Variants in WWOX observed in about 807,000 individuals in gnomAD.
WWOX encodes WW domain containing oxidoreductase.
WWOX carries 69 observed loss-of-function variants against 46.2 expected under a neutral mutation model. That is an observed-to-expected ratio of 1.49 (90% CI 1.23 to 1.82). The LOEUF (loss-of-function observed/expected upper bound fraction) is 1.82. Among genes scored for constraint, WWOX ranks in the 40% most tolerant of loss-of-function variants. WWOX has a pLI of 0.00. For missense variants in WWOX, 919 were observed against 542.6 expected (o/e 1.69, Z -6.89); for synonymous variants, 359 against 202.6 (o/e 1.77, Z -6.56).
intron 8 of WWOX, among the ~76,000 whole-genome samples, chr16:78,797,941 T>G (rs1272392596): frequency 3.3e-5 from 5 of 152,212 alleles, no homozygotes; most frequent in Non-Finnish European, 1.5e-5. Context: ...TGAGTCATGG[T>G]CACACCACTG....
At chr16:78,146,406 G>T (rs1357640695) in intron 4 of WWOX, among the ~76,000 whole-genome samples, 1 of 152,186 alleles carries the variant, frequency 6.6e-6, no homozygotes, top group Non-Finnish European at 1.5e-5. Context: ...CCCAGAAGCA[G>T]CAGCGGGGTG....
intron 8 of WWOX, among the ~76,000 whole-genome samples, chr16:79,052,345 C>G (rs9806790): frequency 0.45 from 67,730 of 152,042 alleles, 16,053 homozygotes; most frequent in Non-Finnish European, 0.52. Context: ...CAATTTCATC[C>G]ATGTCCCTAC....
intron 6 of WWOX, among the ~76,000 whole-genome samples, chr16:78,424,499 A>T (rs1177902921): frequency 6.6e-6 from 1 of 152,196 alleles, no homozygotes; most frequent in Non-Finnish European, 1.5e-5. Flanking sequence ...TTACAGACAA[A>T]GTGAGACTTG....
intron 8 of WWOX, among the ~76,000 whole-genome samples, chr16:79,155,357 A>C (rs1170498215): frequency 6.6e-6 from 1 of 152,196 alleles, no homozygotes; most frequent in Non-Finnish European, 1.5e-5. Context: ...GCCTGGCGAC[A>C]GAGGGAGACT....
intron 8 of WWOX, among the ~76,000 whole-genome samples, chr16:78,508,752 C>T (rs951746763): frequency 5.3e-5 from 8 of 152,186 alleles, no homozygotes; most frequent in African/African-American, 1.9e-4. Context: ...ATCTGCAGAT[C>T]TGAGCACTAT....
intron 4 of WWOX, among the ~76,000 whole-genome samples, chr16:78,131,085 C>T (rs984844576): frequency 2.0e-5 from 3 of 152,132 alleles, no homozygotes; most frequent in Non-Finnish European, 4.4e-5. Context: ...AGAAGTGGTA[C>T]AGTAAAAATA....
At chr16:78,871,733 G>C (rs1022519930) in intron 8 of WWOX, among the ~76,000 whole-genome samples, 1 of 152,154 alleles carries the variant, frequency 6.6e-6, no homozygotes, top group South Asian at 2.1e-4. Flanking sequence ...CCAAGCAGCT[G>C]GGACTACAGG....
At chr16:78,453,402 G>A (rs573263401) in intron 8 of WWOX, among the ~76,000 whole-genome samples, 10 of 150,482 alleles carry the variant, frequency 6.6e-5, no homozygotes, top group South Asian at 2.1e-4. Context: ...CAGCCTGGGC[G>A]CATGAGCGAG....
intron 8 of WWOX, among the ~76,000 whole-genome samples, chr16:78,987,828 T>C (rs2046810797): frequency 6.6e-6 from 1 of 152,174 alleles, no homozygotes; most frequent in Non-Finnish European, 1.5e-5. Context: ...CAGCAGGACT[T>C]TCCCACCTTG....
At chr16:78,424,097 C>G (rs987593051) in intron 6 of WWOX, among the ~76,000 whole-genome samples, 4 of 122,980 alleles carry the variant, frequency 3.3e-5, no homozygotes, top group Admixed American at 7.7e-5. Flanking sequence ...TTTTTCTTTT[C>G]TTTTCTTTTC....
At chr16:78,494,280 C>G (rs764455092) in intron 8 of WWOX, among the ~76,000 whole-genome samples, 8 of 152,132 alleles carry the variant, frequency 5.3e-5, no homozygotes, top group Non-Finnish European at 1.2e-4. Flanking sequence ...AGATTAGCCC[C>G]CTATGCAGCA....
chr16:78,339,662 T>G (rs2080969789), intron 5 of WWOX, among the ~76,000 whole-genome samples: 1 of 119,816 alleles, frequency 8.3e-6, no homozygotes, highest in African/African-American at 2.8e-5. Context: ...TCAAAATGTT[T>G]CTGTTCCATC....
chr16:78,843,646 C>A (rs1179739160), intron 8 of WWOX, among the ~76,000 whole-genome samples: 1 of 132,694 alleles, frequency 7.5e-6, no homozygotes, highest in African/African-American at 2.5e-5. Flanking sequence ...AAATCACACT[C>A]ATCGAGGAGC....
intron 8 of WWOX, among the ~76,000 whole-genome samples, chr16:79,089,885 G>C (rs993586167): frequency 6.6e-6 from 1 of 151,654 alleles, no homozygotes; most frequent in Non-Finnish European, 1.5e-5. Context: ...CGGTTCAAGG[G>C]GGGCTTGGGT....
chr16:78,963,155 G>C (rs536725953), intron 8 of WWOX, among the ~76,000 whole-genome samples: 2 of 152,184 alleles, frequency 1.3e-5, no homozygotes, highest in South Asian at 2.1e-4. Context: ...CTATCCATCA[G>C]TCTATCTTGA....
chr16:79,111,448 T>C (rs577955203), intron 8 of WWOX, among the ~76,000 whole-genome samples: 26 of 152,214 alleles, frequency 1.7e-4, no homozygotes, highest in Non-Finnish European at 2.8e-4. Flanking sequence ...CTGTATTGTT[T>C]AGGACTGAAA....
intron 8 of WWOX, among the ~76,000 whole-genome samples, chr16:79,043,038 C>G (rs1326958616): frequency 6.6e-6 from 1 of 152,176 alleles, no homozygotes; most frequent in Admixed American, 6.5e-5. Flanking sequence ...ATGGGACAGG[C>G]TCTCCTGTCA....
In WWOX at chr16:79,007,383, C is replaced by G. The variant is rs1044893909; in HGVS notation, c.1057-204225C>G. ...AAGGTGTTCCAGGCAAAAGGAATGG[C>G]AAACACAGTGGCCCTGAGACACTCA... On this transcript the variant is annotated intron_variant, in intron 8 of 8. Transcript: ENST00000566780. 3.9e-5 allele frequency among the ~76,000 whole-genome samples: 6 copies of G among 152,164 alleles called. No homozygotes were observed. In the South Asian group the frequency reaches 1.2e-3, roughly 32 times the overall value.
chr16:79,106,091 A>T (rs1402235551), intron 8 of WWOX: 2 of 152,208 alleles, frequency 1.3e-5, no homozygotes, highest in African/African-American at 4.8e-5. Context: ...CAGCAGCATC[A>T]GAATCACCTG....
Sources: gnomAD v4.1 joint callset for allele counts (sites outside exome capture counted in the v4.1 genomes callset) on GRCh38, gnomAD v4.1.1 for gene constraint, MANE v1.5 for transcripts, NCBI Gene and HGNC (gene_info 2026-07-23, HGNC 2026-07-21) for gene names.